TAFA1: variants seen among roughly 807,000 people sequenced by gnomAD.
TAFA1 encodes the protein TAFA chemokine like family member 1, also known as chemokine-like protein TAFA-1.
TAFA1 carries 4 observed loss-of-function variants against 18.5 expected under a neutral mutation model. That is an observed-to-expected ratio of 0.22 (90% confidence interval 0.11 to 0.49). The LOEUF (loss-of-function observed/expected upper bound fraction) is 0.49. Ranked by LOEUF, TAFA1 falls within the 20% of genes least tolerant of loss-of-function variation. The probability of loss-of-function intolerance (pLI) is 0.98; values close to 1 mark genes in which losing one functional copy is unlikely to be tolerated. For missense variants in TAFA1, 147 were observed against 169.0 expected, an observed-to-expected ratio of 0.87 and a Z score of 0.72; for synonymous variants, 56 against 55.2, an observed-to-expected ratio of 1.01 and a Z score of -0.06.
intron 3 of TAFA1, among the ~76,000 whole-genome samples, chr3:68,528,166 AAAT>A (rs1263914476): frequency 1.3e-5 from 2 of 152,218 alleles, no homozygotes; most frequent in Non-Finnish European, 2.9e-5. Flanking sequence ...ACACATGGAT[AAAT>A]AATAGTGATA....
At chr3:68,315,523 C>G (rs2068593246) in intron 2 of TAFA1, among the ~76,000 whole-genome samples, 1 of 152,142 alleles carries the variant, frequency 6.6e-6, no homozygotes, top group South Asian at 2.1e-4. Context: ...TTTATTCCTC[C>G]TATGCCATAT....
intron 2 of TAFA1, among the ~76,000 whole-genome samples, chr3:68,209,775 T>C (rs150800951): frequency 4.6e-5 from 7 of 152,122 alleles, no homozygotes; most frequent in Non-Finnish European, 7.4e-5. Flanking sequence ...AGGGAACTTA[T>C]TTTTTTCTCA....
chr3:68,134,723 A>C (rs2065586359), intron 2 of TAFA1, among the ~76,000 whole-genome samples: 1 of 152,188 alleles, frequency 6.6e-6, no homozygotes, highest in Admixed American at 6.5e-5. Context: ...GTCTGGAAAA[A>C]TTCTAGATGC....
At chr3:68,000,040 C>T (rs201001772), upstream of TAFA1, among the ~76,000 whole-genome samples, 4 of 152,154 alleles carry the variant, frequency 2.6e-5, no homozygotes, top group Non-Finnish European at 4.4e-5. Context: ...CTGCCCGCCT[C>T]GGCCTCCCAA....
intron 2 of TAFA1, among the ~76,000 whole-genome samples, chr3:68,147,389 A>C (rs2065754309): frequency 6.6e-6 from 1 of 152,026 alleles, no homozygotes; most frequent in South Asian, 2.1e-4. Flanking sequence ...AAAAGGCTGC[A>C]AAATATCCCC....
At chr3:68,037,292 G>T (rs1705072568) in intron 2 of TAFA1, among the ~76,000 whole-genome samples, 1 of 152,144 alleles carries the variant, frequency 6.6e-6, no homozygotes, top group African/African-American at 2.4e-5. Context: ...AGGGGCTTTT[G>T]TCTGGAGATG....
intron 2 of TAFA1, among the ~76,000 whole-genome samples, chr3:68,297,253 G>C (rs919976462): frequency 6.6e-6 from 1 of 152,182 alleles, no homozygotes; most frequent in African/African-American, 2.4e-5. Flanking sequence ...CATTTGATTA[G>C]GGTATTTCTC....
rs548211742 is a variant in TAFA1, at chr3:68,235,891, GA to G, written c.119-181386del. ...ACTGAGATATGGGAAAGAGAAAGAT[GA>G]AATCTTCCTCACAAAGGTTGAGTAT... On this transcript the variant is annotated intron_variant, in intron 2 of 4. Coordinates refer to ENST00000478136, the MANE Select transcript of TAFA1 (RefSeq NM_213609.4). 7.2e-5 allele frequency among the ~76,000 whole-genome samples: 11 copies of G among 152,236 alleles called. No homozygotes were observed. In the East Asian group the frequency reaches 1.9e-3, roughly 27 times the overall value.
intron 2 of TAFA1, among the ~76,000 whole-genome samples, chr3:68,262,028 A>T (rs1460374903): frequency 6.6e-6 from 1 of 151,788 alleles, no homozygotes; most frequent in Admixed American, 6.6e-5. Context: ...TGATTTTATA[A>T]AATGATTTAT....
rs528500158 is a variant in TAFA1, at chr3:68,072,644, G to A, written c.118+65900G>A. Among the ~76,000 whole-genome samples the A allele has an allele frequency of 2.6e-5, 4 of 152,304 alleles. No homozygotes were observed. In the South Asian group the frequency reaches 8.3e-4, roughly 32 times the overall value. ...GTTAGGAAGAAGAGAGGGACGACGA[G>A]CCAGGTTTCTGTTTTGGAATTAGGT... On this transcript the variant is annotated intron_variant, in intron 2 of 4. Transcript: ENST00000478136.
chr3:68,318,495 T>C (rs902742142), intron 2 of TAFA1, among the ~76,000 whole-genome samples: 1 of 152,198 alleles, frequency 6.6e-6, no homozygotes, highest in Non-Finnish European at 1.5e-5. Flanking sequence ...TGCTGAGGAA[T>C]GGAAACCCAC....
intron 2 of TAFA1, among the ~76,000 whole-genome samples, chr3:68,295,092 C>T (rs913211394): frequency 1.5e-5 from 2 of 132,084 alleles, no homozygotes; most frequent in Non-Finnish European, 3.2e-5. Context: ...TTGTCCCCTT[C>T]GCTCAACCTC....
At chr3:68,525,405 C>A (rs2073095216) in intron 3 of TAFA1, among the ~76,000 whole-genome samples, 1 of 152,148 alleles carries the variant, frequency 6.6e-6, no homozygotes, top group African/African-American at 2.4e-5. Flanking sequence ...ATAGTTCAGT[C>A]TGCCTATTTT....
intron 3 of TAFA1, among the ~76,000 whole-genome samples, chr3:68,467,638 C>T (rs2071914733): frequency 6.6e-6 from 1 of 152,112 alleles, no homozygotes; most frequent in Non-Finnish European, 1.5e-5. Context: ...CAAGAGGAAA[C>T]ATCAGGGGTA....
intron 2 of TAFA1, among the ~76,000 whole-genome samples, chr3:68,374,562 G>A (rs2069771099): frequency 6.6e-6 from 1 of 152,102 alleles, no homozygotes. Flanking sequence ...ACAATAAATT[G>A]GCTCTTTGAG....
At chr3:67,998,599 C>T in the TAFA1 span, among the ~76,000 whole-genome samples, 1,695 of 152,278 alleles carry the variant, frequency 0.011, 35 homozygotes, top group African/African-American at 0.038. Context: ...ATAAATAATC[C>T]TTGCTCATGT....
intron 3 of TAFA1, among the ~76,000 whole-genome samples, chr3:68,519,239 C>A (rs998517112): frequency 4.6e-5 from 7 of 152,134 alleles, no homozygotes; most frequent in African/African-American, 1.7e-4. Context: ...AAAAGAGACT[C>A]CAGTGAACTA....
intron 3 of TAFA1, among the ~76,000 whole-genome samples, chr3:68,445,748 G>A (rs2071465221): frequency 6.6e-6 from 1 of 152,102 alleles, no homozygotes; most frequent in South Asian, 2.1e-4. Flanking sequence ...TCTAGGGCAG[G>A]GATGAAAAAT....
At chr3:68,444,091 T>C (rs2071433642) in intron 3 of TAFA1, among the ~76,000 whole-genome samples, 1 of 152,142 alleles carries the variant, frequency 6.6e-6, no homozygotes, top group Non-Finnish European at 1.5e-5. Context: ...GGTTTTCTTT[T>C]TCATCATCCT....
Sources: gnomAD v4.1 joint callset for allele counts (sites outside exome capture counted in the v4.1 genomes callset) on GRCh38, gnomAD v4.1.1 for gene constraint, MANE v1.5 for transcripts, NCBI Gene and HGNC (gene_info 2026-07-23, HGNC 2026-07-21) for gene names.